NOTCH1: variants seen among roughly 807,000 people sequenced by gnomAD.
NOTCH1 encodes the protein notch receptor 1.
NOTCH1 carries 37 observed loss-of-function variants against 254.8 expected under a neutral mutation model. That is an observed-to-expected ratio of 0.15 (90% CI 0.11 to 0.19). NOTCH1 has a LOEUF of 0.19. Ranked by LOEUF, NOTCH1 falls within the 10% of genes least tolerant of loss-of-function variation. NOTCH1 has a pLI of 1.00. For synonymous variants in NOTCH1, 1,731 were observed against 1,618.1 expected, an observed-to-expected ratio of 1.07 and a Z score of -1.68; for missense variants, 2,972 against 3,708.6, an observed-to-expected ratio of 0.80 and a Z score of 5.16.
intron 19 of NOTCH1, 118 bp from the exon 20 acceptor site, chr9:136,508,503 T>G (rs115322174): frequency 6.9e-7 from 1 of 1,454,568 alleles, no homozygotes; most frequent in Admixed American, 1.7e-5. Context: ...TCTACAGAAG[T>G]GGAAACTGCC....
intron 4 of NOTCH1, among the ~76,000 whole-genome samples, chr9:136,520,010 C>G (rs1217485272): frequency 2.0e-5 from 3 of 152,112 alleles, no homozygotes; most frequent in Admixed American, 6.5e-5. Flanking sequence ...GTGGGCCCCT[C>G]GCAGCCCCAG....
chr9:136,530,137 G>A (rs1589076677), intron 2 of NOTCH1, among the ~76,000 whole-genome samples: 1 of 152,220 alleles, frequency 6.6e-6, no homozygotes, highest in African/African-American at 2.4e-5. Flanking sequence ...GTTGGGTGGG[G>A]CGGGGGTCGC....
chr9:136,545,205 G>A lies in NOTCH1; in HGVS notation c.61+521C>T, dbSNP rs1327010076. Among the ~76,000 whole-genome samples the A allele has an allele frequency of 1.3e-5, 2 of 151,908 alleles. No homozygotes were observed. Among genetic ancestry groups the A allele is most frequent in the Non-Finnish European group, 1.5e-5 (1 of 67,912 alleles). On this transcript the variant is annotated intron_variant, in intron 1 of 33. Coordinates refer to ENST00000651671, the MANE Select transcript of NOTCH1 (RefSeq NM_017617.5). This position sits in a 1 kb window ranked among gnomAD's most constrained non-coding sequence, Gnocchi z 6.8. The stretch of plus-strand genomic sequence containing the variant: ...GGGGCACCGGCGGGCGGGGCGACCG[G>A]GAGCCCGGGGACCCAGCCCGGCCGC...
chr9:136,517,247 G>T, intron 9 of NOTCH1, 25 bp downstream of exon 9: 1 of 1,486,206 alleles, frequency 6.7e-7, no homozygotes, highest in Non-Finnish European at 9.3e-7. Context: ...ACGACCCGGG[G>T]GCAGGGGGCG....
chr9:136,520,291 T>C (rs917786885), intron 4 of NOTCH1, among the ~76,000 whole-genome samples: 2 of 151,722 alleles, frequency 1.3e-5, no homozygotes, highest in African/African-American at 4.8e-5. Context: ...CCGTTGCCCT[T>C]GGAGCTCCCA....
At position 136,510,636 on chromosome 9, in the gene NOTCH1, GC is replaced by G. The variant is rs757089079; in HGVS notation, c.2740+16del. The G allele has an allele frequency of 4.4e-6, 7 of 1,599,428 alleles. No individual in the cohort carries two copies. In the Admixed American group the frequency reaches 1.2e-4, roughly 27 times the overall value. On this transcript the variant is annotated intron_variant, in intron 17 of 33. Coordinates refer to ENST00000651671, the MANE Select transcript of NOTCH1 (RefSeq NM_017617.5). Reference sequence around the variant, plus strand: ...TGAGAGCTTCCTGGAGGAGGCCAGAGCCGCGGGGCTACTCACTGGGCCGGCA... The same window carrying G: ...TGAGAGCTTCCTGGAGGAGGCCAGAGCGCGGGGCTACTCACTGGGCCGGCA...
In NOTCH1 at chr9:136,523,859, G is replaced by A; in HGVS notation, c.261C>T (p.Cys87=). The A allele has an allele frequency of 1.9e-6, 3 of 1,611,598 alleles. No homozygotes were observed. Among genetic ancestry groups the A allele is most frequent in the Middle Eastern group, 1.7e-4 (1 of 6,052 alleles). Reference sequence around the variant, plus strand: ...GCCCAGAGAAGCCCAGGGCACAGCTGCAGGCATAGTCTGCCACGCCTCTGC... The same window carrying A: ...GCCCAGAGAAGCCCAGGGCACAGCTACAGGCATAGTCTGCCACGCCTCTGC... ...VDRRGVADYA[C]SCALGFSGPL... The change falls in exon 3 of 34, where the codon TGC becomes TGT. Residue 87 remains cysteine, a synonymous_variant. Coordinates refer to ENST00000651671, the MANE Select transcript of NOTCH1 (RefSeq NM_017617.5).
intron 2 of NOTCH1, among the ~76,000 whole-genome samples, chr9:136,530,933 C>T (rs1403524638): frequency 6.6e-6 from 1 of 152,228 alleles, no homozygotes; most frequent in Admixed American, 6.5e-5. Flanking sequence ...TCCGGGCCAG[C>T]GCCAGACATG....
At chr9:136,515,856 A>T (rs1589066612) in intron 10 of NOTCH1, 125 bp downstream of exon 10, 2 of 465,184 alleles carry the variant, frequency 4.3e-6, no homozygotes, top group Non-Finnish European at 5.4e-6. Context: ...ATTGGGGCTG[A>T]GCTGTGCTCT....
chr9:136,503,364 A>G (rs769138477), intron 26 of NOTCH1, 34 bp from the exon 27 acceptor site: 1 of 1,611,720 alleles, frequency 6.2e-7, no homozygotes, highest in Non-Finnish European at 8.5e-7. Context: ...CTGGGACCCG[A>G]GGCTTCCTCC....
In NOTCH1 at chr9:136,519,439, G is replaced by T. The variant is rs527248111; in HGVS notation, c.865+4C>A. On this transcript the variant is annotated splice_donor_region_variant and intron_variant, in intron 5 of 33. Coordinates refer to ENST00000651671, the MANE Select transcript of NOTCH1 (RefSeq NM_017617.5). ...CCCCGCCCTGCGGCGACCCGTATAC[G>T]CGCCTGTCCACTCTGGCGGGCAGCG... The T allele has an allele frequency of 9.3e-6, 15 of 1,612,742 alleles. No individual in the cohort carries two copies. Among genetic ancestry groups the T allele is most frequent in the Non-Finnish European group, 1.3e-5 (15 of 1,179,918 alleles).
At position 136,494,878 on chromosome 9, in the gene NOTCH1, T is replaced by G; in HGVS notation, c.*1193A>C. The G allele has an allele frequency of 2.5e-6, 1 of 398,624 alleles. No individual in the cohort carries two copies. The highest frequency in any genetic ancestry group is 4.4e-6 in the Non-Finnish European group (1 of 225,950). 24.7% of individuals were successfully genotyped at this position (398,624 alleles called of 1,614,324 possible). On this transcript the variant is annotated 3_prime_UTR_variant, in exon 34 of 34. Transcript: ENST00000651671. ...TTGCAAAAATCTGCTCCTCCCAAAC[T>G]AGGAGGGGTGGCCCAAGGGCAGCCC... is the stretch of plus-strand genomic sequence containing the variant.
chr9:136,505,754 G>A lies in NOTCH1; in HGVS notation c.4142C>T (p.Pro1381Leu), dbSNP rs752551426. ...GCTGCTGGCCGGGAACTGGCATTCG[G>A]GGCCCGTGAAGGGGCCCAGGCACAG... ...TCLCLGPFTG[P>L]ECQFPASSPC... Residue 1381 changes from proline (P) to leucine (L), a missense_variant, in exon 25 of 34, where the codon CCC becomes CTC. This residue lies in a region of NOTCH1 where 1,343 missense variants were observed against 1,557.0 expected (regional missense o/e 0.86). Coordinates refer to ENST00000651671, the MANE Select transcript of NOTCH1 (RefSeq NM_017617.5). 1.3e-6 allele frequency: 2 copies of A among 1,588,036 alleles called. No individual in the cohort carries two copies. The highest frequency in any genetic ancestry group is 1.7e-6 in the Non-Finnish European group (2 of 1,165,980).
Position 136,505,622 on chromosome 9 carries a change from C to T in NOTCH1, c.4274G>A (p.Cys1425Tyr), listed in dbSNP as rs2133340022. ...CCCGAAGCTGTAGTCCAGGATGTGG[C>T]ACAAGAGCCCGTTGAATTTGGCGGG... ...LCPAKFNGLL[C>Y]HILDYSFGGG... Residue 1425 changes from cysteine to tyrosine, a missense_variant, in exon 25 of 34, where the codon TGC becomes TAC. Physicochemically the swap from Cys to Tyr is radical, Grantham distance 194. Around this residue, in one of 8 missense-constraint regions of NOTCH1, gnomAD observed 1,343 missense variants for 1,557.0 expected, o/e 0.86. Transcript: ENST00000651671. 1 of 1,612,074 alleles carries T rather than the reference C, an allele frequency of 6.2e-7. No homozygotes were observed. The highest frequency in any genetic ancestry group is 8.5e-7 in the Non-Finnish European group (1 of 1,179,578).
At chr9:136,504,622 A>C in intron 26 of NOTCH1, 51 bp downstream of exon 26, 5 of 1,444,688 alleles carry the variant, frequency 3.5e-6, no homozygotes, top group Non-Finnish European at 4.6e-6. Flanking sequence ...GCCGTCGGGG[A>C]GGGCCCAGGA....
At chr9:136,542,896 A>G (rs1317345945) in intron 2 of NOTCH1, 1 of 152,362 alleles carries the variant, frequency 6.6e-6, no homozygotes, top group Non-Finnish European at 1.5e-5. Flanking sequence ...GTTGAAGGGC[A>G]TCGGCCACAG....
At position 136,510,788 on chromosome 9, in the gene NOTCH1, C is replaced by T. The variant is rs1420968156; in HGVS notation, c.2605G>A (p.Asp869Asn). The stretch of plus-strand genomic sequence containing the variant: ...GGGCTCAGAACGCACTCGTTGATGT[C>T]GACCTCACAGGTCTGCCCTGCGGGG... ...TGWQGQTCEVDINECVLSPCR... is the reference protein window; with the variant it reads ...TGWQGQTCEVNINECVLSPCR... The change falls in exon 17 of 34, where the codon GAC becomes AAC. Residue 869 changes from aspartate to asparagine, a missense_variant. Asp to Asn is a conservative substitution (Grantham distance 23). Transcript: ENST00000651671. 3 of 1,609,622 alleles carry T rather than the reference C, an allele frequency of 1.9e-6. No homozygotes were observed. Among genetic ancestry groups the T allele is most frequent in the African/African-American group, 2.7e-5 (2 of 74,938 alleles).
chr9:136,541,242 G>A (rs775416086), intron 2 of NOTCH1, among the ~76,000 whole-genome samples: 3 of 152,214 alleles, frequency 2.0e-5, no homozygotes, highest in Non-Finnish European at 4.4e-5. Context: ...GACCTCCTGG[G>A]AAGGCATTTT....
chr9:136,518,782 G>T lies in NOTCH1; in HGVS notation c.908C>A (p.Pro303Gln), dbSNP rs781156651. The change falls in exon 6 of 34, where the codon CCA (proline) becomes CAA (glutamine). Residue 303 changes from proline to glutamine, a missense_variant. Pro to Gln is a moderately conservative substitution (Grantham distance 76). Transcript: ENST00000651671. Reference protein sequence around the residue: ...TEDVDECQLMPNACQNGGTCH... With the variant: ...TEDVDECQLMQNACQNGGTCH... ...GGTCCCGCCGTTCTGGCAGGCATTT[G>T]GCATCAGCTGGCACTCGTCCACATC... The T allele has an allele frequency of 6.2e-7, 1 of 1,612,842 alleles. No individual in the cohort carries two copies. The highest frequency in any genetic ancestry group is 1.1e-5 in the South Asian group (1 of 91,086).
Sources: allele counts gnomAD v4.1 joint callset (sites outside exome capture counted in the v4.1 genomes callset), GRCh38; gene constraint gnomAD v4.1.1; regional missense constraint gnomAD v4.1.1; non-coding constraint Gnocchi (gnomAD v3.1); transcripts MANE v1.5; gene names NCBI Gene and HGNC (gene_info 2026-07-23, HGNC 2026-07-21).